The following MSRA variants were observed in gnomAD, a reference collection of about 807,000 sequenced individuals.
MSRA encodes the protein mitochondrial peptide methionine sulfoxide reductase.
In MSRA, 54 loss-of-function variants were observed where a neutral mutation model predicts 31.3. The ratio of observed to expected loss-of-function variants is 1.73; its 90% confidence interval spans 1.39 to 2.17. The LOEUF (loss-of-function observed/expected upper bound fraction) is 2.17, where lower values mean the gene tolerates loss of function less well. Among genes scored for constraint, MSRA ranks in the 30% most tolerant of loss-of-function variants. The pLI is 0.00. For synonymous variants in MSRA, 169 were observed against 116.5 expected (o/e 1.45, Z -2.90); for missense variants, 507 against 300.9 (o/e 1.69, Z -5.07).
chr8:10,283,812 TATATATATATATATATATATATATACAC>T (rs1799768787), intron 3 of MSRA, among the ~76,000 whole-genome samples: 2 of 42,066 alleles, frequency 4.8e-5, no homozygotes, highest in Admixed American at 4.7e-4. Flanking sequence ...CATATATATA[TATATATATATATATATATATATATACAC>T]ACACACACAC....
At chr8:10,358,879 A>C (rs1804674052) in intron 5 of MSRA, among the ~76,000 whole-genome samples, 1 of 149,168 alleles carries the variant, frequency 6.7e-6, no homozygotes, top group Non-Finnish European at 1.5e-5. Flanking sequence ...GGCGTGAGCC[A>C]CCAGCATTAG....
chr8:10,130,223 A>T (rs141071198), intron 1 of MSRA, among the ~76,000 whole-genome samples: 1 of 152,318 alleles, frequency 6.6e-6, no homozygotes, highest in African/African-American at 2.4e-5. Context: ...GAAACACTGT[A>T]TACTGACAGT....
At chr8:10,198,022 G>A (rs533552487) in intron 1 of MSRA, among the ~76,000 whole-genome samples, 7 of 152,210 alleles carry the variant, frequency 4.6e-5, no homozygotes, top group Non-Finnish European at 1.0e-4. Context: ...AGAAAACAGA[G>A]GAGTGGGACT....
chr8:10,129,323 C>A (rs1585212952), intron 1 of MSRA, among the ~76,000 whole-genome samples: 1 of 152,102 alleles, frequency 6.6e-6, no homozygotes, highest in African/African-American at 2.4e-5. Flanking sequence ...GGGTGAAAAC[C>A]TTTGGCTCTC....
chr8:10,139,369 T>G (rs1259495511), intron 1 of MSRA, among the ~76,000 whole-genome samples: 1 of 152,196 alleles, frequency 6.6e-6, no homozygotes, highest in Non-Finnish European at 1.5e-5. Context: ...GATCTTTATT[T>G]TCACTTATTT....
chr8:10,346,070 C>A (rs1294417426), intron 5 of MSRA, among the ~76,000 whole-genome samples: 2 of 152,168 alleles, frequency 1.3e-5, no homozygotes, highest in Admixed American at 1.3e-4. Context: ...TTTGTGAGGG[C>A]AGCTCAACTG....
intron 2 of MSRA, among the ~76,000 whole-genome samples, chr8:10,225,439 C>G (rs1194167916): frequency 2.0e-5 from 3 of 152,190 alleles, no homozygotes; most frequent in Non-Finnish European, 2.9e-5. Flanking sequence ...GGGGCCTAGT[C>G]TCAAATATAA....
chr8:10,207,879 G>T lies in MSRA; in HGVS notation c.189G>T (p.Glu63Asp). ...NGNRTVEPFP[E>D]GTQMAVFGMG... ...ACAGAACAGTCGAACCTTTCCCAGA[G>T]GGAACACAGATGGCTGTATTTGGTA... Residue 63 changes from glutamate to aspartate, a missense_variant, in exon 2 of 6, where the codon GAG becomes GAT. Coordinates refer to ENST00000317173, the MANE Select transcript of MSRA (RefSeq NM_012331.5). 1 of 1,612,282 alleles carries T rather than the reference G, an allele frequency of 6.2e-7. No homozygotes were observed.
At chr8:10,412,615 G>C (rs1206238832) in intron 5 of MSRA, among the ~76,000 whole-genome samples, 2 of 152,132 alleles carry the variant, frequency 1.3e-5, no homozygotes, top group African/African-American at 4.8e-5. Flanking sequence ...CAAATCACCT[G>C]ATTAAAAAAT....
intron 1 of MSRA, among the ~76,000 whole-genome samples, chr8:10,064,285 G>T (rs993764459): frequency 6.6e-6 from 1 of 152,040 alleles, no homozygotes. Context: ...AGAGACCTGC[G>T]TGTCCTCTGG....
At chr8:10,154,364 T>G (rs1428534327) in intron 1 of MSRA, among the ~76,000 whole-genome samples, 2 of 140,430 alleles carry the variant, frequency 1.4e-5, no homozygotes, top group East Asian at 2.0e-4. Context: ...ACATTTGTGG[T>G]TTTTTTTTTC....
At chr8:10,419,727 T>A (rs796977690) in intron 5 of MSRA, among the ~76,000 whole-genome samples, 8 of 152,338 alleles carry the variant, frequency 5.3e-5, no homozygotes, top group African/African-American at 1.9e-4. Context: ...GCTTGGTGTT[T>A]AGAGCGTATA....
intron 3 of MSRA, among the ~76,000 whole-genome samples, chr8:10,249,901 C>G (rs1422336127): frequency 6.6e-6 from 1 of 152,198 alleles, no homozygotes; most frequent in Non-Finnish European, 1.5e-5. Context: ...AGGAGCCTAA[C>G]TTGTATATAG....
At chr8:10,130,638 C>A (rs1028291902) in intron 1 of MSRA, among the ~76,000 whole-genome samples, 3 of 152,180 alleles carry the variant, frequency 2.0e-5, no homozygotes, top group Non-Finnish European at 2.9e-5. Context: ...ACCGCACATA[C>A]AAAGCGATTT....
At chr8:10,226,060 C>T (rs1810972552) in intron 2 of MSRA, among the ~76,000 whole-genome samples, 1 of 152,174 alleles carries the variant, frequency 6.6e-6, no homozygotes, top group Non-Finnish European at 1.5e-5. Context: ...AGCCTCTGGA[C>T]CTCATGGTTC....
intron 1 of MSRA, among the ~76,000 whole-genome samples, chr8:10,125,688 C>G (rs1402473459): frequency 1.3e-5 from 2 of 152,150 alleles, no homozygotes; most frequent in Admixed American, 6.5e-5. Context: ...GAAAGTCTCT[C>G]GTGAAAGTTT....
intron 2 of MSRA, among the ~76,000 whole-genome samples, chr8:10,222,538 T>G (rs74786767): frequency 0.022 from 3,383 of 152,276 alleles, 44 homozygotes; most frequent in African/African-American, 0.034. Context: ...ATCTCAGAGA[T>G]ATTCATACTC....
intron 5 of MSRA, among the ~76,000 whole-genome samples, chr8:10,352,103 T>G (rs1804187717): frequency 1.3e-5 from 2 of 152,210 alleles, no homozygotes; most frequent in Admixed American, 1.3e-4. Context: ...TCCTAGCTCC[T>G]GATTGATCAT....
chr8:10,222,637 A>G (rs1309596457), intron 2 of MSRA, among the ~76,000 whole-genome samples: 1 of 152,236 alleles, frequency 6.6e-6, no homozygotes, highest in Non-Finnish European at 1.5e-5. Flanking sequence ...TATATACACA[A>G]TGGAATACGA....
Sources: gnomAD v4.1 joint callset for allele counts (sites outside exome capture counted in the v4.1 genomes callset) on GRCh38, gnomAD v4.1.1 for gene constraint, MANE v1.5 for transcripts, NCBI Gene and HGNC (gene_info 2026-07-23, HGNC 2026-07-21) for gene names.